The following CTTN variants were observed in gnomAD, a reference collection of about 807,000 sequenced individuals.
The protein encoded by CTTN is src substrate cortactin.
Under a neutral mutation model 84.0 loss-of-function variants are expected in CTTN, and 28 were observed. That is an observed-to-expected ratio of 0.33 (90% CI 0.25 to 0.46). CTTN has a LOEUF of 0.46. Ranked by LOEUF, CTTN falls within the 20% of genes least tolerant of loss-of-function variation. The pLI is 1.00. For missense variants in CTTN, 641 were observed against 723.8 expected, an observed-to-expected ratio of 0.89 and a Z score of 1.31; for synonymous variants, 301 against 288.8, an observed-to-expected ratio of 1.04 and a Z score of -0.43.
intron 7 of CTTN, chr11:70,415,987 TC>T (rs1270625492): frequency 2.4e-6 from 1 of 421,576 alleles, no homozygotes; most frequent in Non-Finnish European, 4.3e-6. Flanking sequence ...GTGGGGCTTC[TC>T]CCCCTTGTAG....
rs1002199393 is a variant in CTTN, at chr11:70,436,082, G to A, written c.*920G>A. The A allele has an allele frequency of 6.3e-6, 9 of 1,426,048 alleles. No homozygotes were observed. The African/African-American group carries it at 1.3e-4, about 21-fold the overall frequency. 88.3% of individuals were successfully genotyped at this position (1,426,048 alleles called of 1,614,324 possible). A position where few individuals can be genotyped will look rare whatever the true frequency, so the allele number is the denominator to read the frequency against. ...GGCCTTGGGAAGGAAGGCAGTGCCT[G>A]CTCTGCTGTGAGCCGCCAGGAACCC... On this transcript the variant is annotated 3_prime_UTR_variant, in exon 18 of 18. Coordinates refer to ENST00000301843, the MANE Select transcript of CTTN (RefSeq NM_005231.4).
At chr11:70,425,506 G>A in intron 13 of CTTN, 105 bp downstream of exon 13, 1 of 792,918 alleles carries the variant, frequency 1.3e-6, no homozygotes, top group Non-Finnish European at 2.1e-6. Flanking sequence ...CTAGTTGAAA[G>A]CGTGGTTGTT....
chr11:70,420,818 G>C (rs1250966033), intron 10 of CTTN, among the ~76,000 whole-genome samples: 1 of 152,026 alleles, frequency 6.6e-6, no homozygotes, highest in East Asian at 1.9e-4. Context: ...GCCTGCAGCG[G>C]GGGGCTGGGT....
intron 2 of CTTN, among the ~76,000 whole-genome samples, chr11:70,407,039 C>G (rs938584840): frequency 2.0e-5 from 3 of 152,188 alleles, no homozygotes; most frequent in African/African-American, 4.8e-5. Flanking sequence ...AGAAAATTTT[C>G]TCACTCAAGG....
chr11:70,419,715 T>C, intron 8 of CTTN, 31 bp from the exon 9 acceptor site: 1 of 1,571,810 alleles, frequency 6.4e-7, no homozygotes, highest in South Asian at 1.2e-5. Context: ...CGTTGCTCCT[T>C]TTAAAGTAGT....
At position 70,415,149 on chromosome 11, in the gene CTTN, G is replaced by C. The variant is rs146251215; in HGVS notation, c.402+497G>C. Reference sequence around the variant, plus strand: ...CGATCAGGAGCCTGGAGGGAGCAGGGAGCTGATGCTGGTCGCAGATTGTGG... The same window carrying C: ...CGATCAGGAGCCTGGAGGGAGCAGGCAGCTGATGCTGGTCGCAGATTGTGG... On this transcript the variant is annotated intron_variant, in intron 6 of 17. Transcript: ENST00000301843. Among the ~76,000 whole-genome samples the C allele has an allele frequency of 3.9e-3, 594 of 152,270 alleles. 5 individuals carry two copies. Among genetic ancestry groups the C allele is most frequent in the African/African-American group, 0.014 (567 of 41,560 alleles).
chr11:70,403,242 A>G (rs920877465), intron 1 of CTTN, among the ~76,000 whole-genome samples: 18 of 128,304 alleles, frequency 1.4e-4, no homozygotes, highest in African/African-American at 5.2e-4. Context: ...AGGCTGCAGT[A>G]TAGTGGCGCA....
intron 10 of CTTN, among the ~76,000 whole-genome samples, chr11:70,421,201 G>A (rs751002811): frequency 1.3e-5 from 2 of 152,160 alleles, no homozygotes; most frequent in African/African-American, 2.4e-5. Flanking sequence ...GCACAGCCGG[G>A]AGTGCCTTTA....
intron 1 of CTTN, among the ~76,000 whole-genome samples, chr11:70,402,110 G>A (rs538519443): frequency 3.3e-5 from 5 of 152,278 alleles, no homozygotes; most frequent in Non-Finnish European, 5.9e-5. Context: ...CCGAGATCGC[G>A]CTGTTGCACT....
At chr11:70,415,979 G>T in intron 7 of CTTN, 1 of 440,546 alleles carries the variant, frequency 2.3e-6, no homozygotes. Flanking sequence ...CTGTCATTGT[G>T]GGGCTTCTCC....
intron 17 of CTTN, among the ~76,000 whole-genome samples, chr11:70,434,650 C>T (rs2058394414): frequency 6.6e-6 from 1 of 152,272 alleles, no homozygotes; most frequent in African/African-American, 2.4e-5. Context: ...CCGGGTGTCC[C>T]CTGGCTGTCC....
intron 16 of CTTN, 146 bp from the exon 17 acceptor site, chr11:70,433,501 G>T: frequency 1.3e-6 from 1 of 798,390 alleles, no homozygotes; most frequent in Non-Finnish European, 2.1e-6. Context: ...CTGGGGACGG[G>T]TGGGCAGGGG....
intron 8 of CTTN, among the ~76,000 whole-genome samples, chr11:70,418,995 T>C (rs2058197608): frequency 6.6e-6 from 1 of 151,954 alleles, no homozygotes; most frequent in South Asian, 2.1e-4. Flanking sequence ...CAGGATGGTC[T>C]TGATCTCTTG....
intron 5 of CTTN, among the ~76,000 whole-genome samples, chr11:70,414,005 T>C (rs2135565067): frequency 6.6e-6 from 1 of 152,200 alleles, no homozygotes; most frequent in East Asian, 1.9e-4. Flanking sequence ...GTGTCCAGGG[T>C]TCGTGTGCAG....
chr11:70,423,636 C>T lies in CTTN; in HGVS notation c.957+641C>T, dbSNP rs1162734766. Among the ~76,000 whole-genome samples, 3 of 152,250 alleles carry T rather than the reference C, an allele frequency of 2.0e-5. No individual in the cohort carries two copies. The East Asian group carries it at 5.8e-4, about 30-fold the overall frequency. On this transcript the variant is annotated intron_variant, in intron 12 of 17. Coordinates refer to ENST00000301843, the MANE Select transcript of CTTN (RefSeq NM_005231.4). ...CGCGAGTTCACCAGGAGAGAAGGCT[C>T]AGGAGACCACGGAGGGGCGAGGTGT... is the stretch of plus-strand genomic sequence containing the variant.
chr11:70,402,685 A>G (rs2058000712), intron 1 of CTTN, among the ~76,000 whole-genome samples: 1 of 152,226 alleles, frequency 6.6e-6, no homozygotes, highest in Non-Finnish European at 1.5e-5. Flanking sequence ...GTGGCAGAAT[A>G]AAATGCCTTT....
intron 13 of CTTN, among the ~76,000 whole-genome samples, chr11:70,427,577 G>C (rs2058313244): frequency 6.6e-6 from 1 of 152,230 alleles, no homozygotes; most frequent in Non-Finnish European, 1.5e-5. Flanking sequence ...GTAACCTTGA[G>C]GGCAGCGTGG....
chr11:70,420,095 C>A lies in CTTN; in HGVS notation c.679+239C>A, dbSNP rs997323405. 50 of 598,616 alleles carry A rather than the reference C, an allele frequency of 8.4e-5. 1 individual carries two copies. The East Asian group carries it at 1.4e-3, about 17-fold the overall frequency. The allele number at this position is 598,616 out of a possible 1,614,324, so 37.1% of individuals were successfully genotyped here. ...GTTGCTTATCGTGGTGGCCACACCC[C>A]GCACGTCTGTGTTGCCCGTGTGAGC... is the stretch of plus-strand genomic sequence containing the variant. On this transcript the variant is annotated intron_variant, in intron 9 of 17. Coordinates refer to ENST00000301843, the MANE Select transcript of CTTN (RefSeq NM_005231.4).
chr11:70,414,340 G>A (rs1212776275), intron 5 of CTTN, among the ~76,000 whole-genome samples: 5 of 147,712 alleles, frequency 3.4e-5, no homozygotes, highest in African/African-American at 5.0e-5. Flanking sequence ...GCAAGACTCT[G>A]TCTCAAAAAA....
Sources: allele counts gnomAD v4.1 joint callset (sites outside exome capture counted in the v4.1 genomes callset), GRCh38; gene constraint gnomAD v4.1.1; transcripts MANE v1.5; gene names NCBI Gene and HGNC (gene_info 2026-07-23, HGNC 2026-07-21).